Variants in ERVK3-1 observed in about 807,000 individuals in gnomAD.
ERVK3-1 encodes HERV-K(HML6-1).
rs1342215967 is a variant in ERVK3-1, at chr19:58,313,434, C to T, written c.294+972C>T. Among the ~76,000 whole-genome samples, 3 of 152,026 alleles carry T rather than the reference C, an allele frequency of 2.0e-5. No individual in the cohort carries two copies. Among genetic ancestry groups the T allele is most frequent in the Non-Finnish European group, 1.5e-5 (1 of 68,010 alleles). On this transcript the variant is annotated intron_variant, in intron 3 of 3. Transcript: ENST00000413518. This position sits in a 1 kb window ranked among gnomAD's most constrained non-coding sequence, Gnocchi z 4.5. ...CCGAGTAGCTGGGATTACAGGCACCCGCCACCGTGCCAGGCTATTTTTTGT... is the reference window on the plus strand; with the variant it reads ...CCGAGTAGCTGGGATTACAGGCACCTGCCACCGTGCCAGGCTATTTTTTGT...
downstream of ERVK3-1, among the ~76,000 whole-genome samples, chr19:58,316,075 T>TA (rs1410190080): frequency 1.3e-5 from 2 of 151,824 alleles, no homozygotes; most frequent in Admixed American, 1.3e-4. Context: ...CCGAGTGAGG[T>TA]AGATGGTGGG....
intron 2 of ERVK3-1, chr19:58,309,278 C>T (rs972692550): frequency 1.4e-4 from 22 of 152,124 alleles, no homozygotes; most frequent in African/African-American, 5.1e-4. Flanking sequence ...AGTATTATAC[C>T]AGTTATTCAG....
intron 3 of ERVK3-1, 45 bp from the exon 4 acceptor site, chr19:58,314,699 TAATA>T (rs2051579471): frequency 1.6e-5 from 6 of 385,054 alleles, no homozygotes; most frequent in Non-Finnish European, 2.8e-5. Context: ...GTCTCTTTTA[TAATA>T]ATTACAAGAA....
At chr19:58,305,688 A>C (rs537967357) in intron 1 of ERVK3-1, among the ~76,000 whole-genome samples, 2 of 152,136 alleles carry the variant, frequency 1.3e-5, no homozygotes, top group Non-Finnish European at 2.9e-5. Flanking sequence ...GGCAGAAGGA[A>C]TGAGGGTCGT....
rs1005945473 is a variant in ERVK3-1 at position 58,305,421 on chromosome 19, G to C, written c.-157G>C. ...GGCGCGCGGACTATCGGGCGGCTAG[G>C]CTCTCTGAGGAGGCTGCCACAGTGG... On this transcript the variant is annotated 5_prime_UTR_variant, in exon 1 of 4. Coordinates refer to ENST00000413518, the Ensembl canonical transcript of ERVK3-1. 4.6e-5 allele frequency: 7 copies of C among 152,570 alleles called. 1 individual carries two copies. Among genetic ancestry groups the C allele is most frequent in the Middle Eastern group, 6.8e-3 (2 of 292 alleles). 9.5% of individuals were successfully genotyped at this position (152,570 alleles called of 1,614,324 possible). A position where few individuals can be genotyped will look rare whatever the true frequency, so the allele number is the denominator to read the frequency against.
At chr19:58,307,773 C>T (rs1337813029) in intron 2 of ERVK3-1, among the ~76,000 whole-genome samples, 1 of 148,080 alleles carries the variant, frequency 6.8e-6, no homozygotes, top group Non-Finnish European at 1.5e-5. Flanking sequence ...GCCTGGGCCC[C>T]TCAAACAATG....
chr19:58,307,408 C>G (rs572209855), intron 2 of ERVK3-1, among the ~76,000 whole-genome samples: 2 of 152,264 alleles, frequency 1.3e-5, no homozygotes, highest in South Asian at 4.1e-4. Context: ...TTTCTCAAAG[C>G]CTGTCAGGAT....
chr19:58,306,713 T>C (rs577864277), intron 2 of ERVK3-1: 1 of 152,306 alleles, frequency 6.6e-6, no homozygotes, highest in East Asian at 1.9e-4. Flanking sequence ...GTACAAAAAA[T>C]TCTACATGCT....
chr19:58,310,877 A>C lies in ERVK3-1; in HGVS notation c.-3-1289A>C. On this transcript the variant is annotated intron_variant, in intron 2 of 3. Coordinates refer to ENST00000413518, the Ensembl canonical transcript of ERVK3-1. The surrounding 1 kb of genome is among the most constrained non-coding windows in gnomAD (Gnocchi z 4.7). ...GCTAAGTAGCGGGTGTTGTTCCTTG[A>C]CACTTTTCGCTACCGCTAGACCACG... 2.5e-6 allele frequency: 1 copy of C among 406,000 alleles called. No homozygotes were observed. The highest frequency in any genetic ancestry group is 5.0e-6 in the Non-Finnish European group (1 of 198,386). 25.1% of individuals were successfully genotyped at this position (406,000 alleles called of 1,614,324 possible).
intron 3 of ERVK3-1, among the ~76,000 whole-genome samples, chr19:58,314,380 A>T (rs1304520949): frequency 6.6e-6 from 1 of 151,882 alleles, no homozygotes; most frequent in Admixed American, 6.6e-5. Flanking sequence ...TAATCCCAGC[A>T]CTTTGGGAGG....
exon 4 of ERVK3-1, chr19:58,315,513 G>A (rs991877620): frequency 1.3e-5 from 2 of 152,184 alleles, no homozygotes; most frequent in African/African-American, 4.8e-5. Flanking sequence ...GTTGTAGCAT[G>A]TATCAGTTTT....
intron 1 of ERVK3-1, among the ~76,000 whole-genome samples, 161 bp downstream of exon 1, chr19:58,305,606 G>T (rs1380638744): frequency 6.6e-6 from 1 of 152,148 alleles, no homozygotes; most frequent in African/African-American, 2.4e-5. Flanking sequence ...CGGTGCGTGA[G>T]GGCGCGACCT....
intron 1 of ERVK3-1, 145 bp from the exon 2 acceptor site, chr19:58,305,943 A>G (rs1047863446): frequency 1.3e-5 from 2 of 152,150 alleles, no homozygotes; most frequent in African/African-American, 4.8e-5. Context: ...TTTCCTCCCT[A>G]TTCAGTCTAC....
downstream of ERVK3-1, among the ~76,000 whole-genome samples, chr19:58,316,216 C>T (rs1348590820): frequency 6.6e-6 from 1 of 152,182 alleles, no homozygotes; most frequent in Non-Finnish European, 1.5e-5. Flanking sequence ...TGCTCTACAC[C>T]ACTACCTCCT....
At position 58,312,475 on chromosome 19, in the gene ERVK3-1, T is replaced by G; in HGVS notation, c.294+13T>G. 2.5e-6 allele frequency: 1 copy of G among 399,996 alleles called. No homozygotes were observed. The highest frequency in any genetic ancestry group is 4.4e-6 in the Non-Finnish European group (1 of 226,058). The allele number at this position is 399,996 out of a possible 1,614,324, so 24.8% of individuals were successfully genotyped here. On this transcript the variant is annotated intron_variant, in intron 3 of 3. Transcript: ENST00000413518. The surrounding 1 kb of genome is among the most constrained non-coding windows in gnomAD (Gnocchi z 4.7). ...AGTGTCCTGTGCGGTATGTTTCCCCTGTGTAGAGGCAAAAACATATTGGGC... is the reference window on the plus strand; with the variant it reads ...AGTGTCCTGTGCGGTATGTTTCCCCGGTGTAGAGGCAAAAACATATTGGGC...
exon 4 of ERVK3-1, chr19:58,315,197 C>G: frequency 6.2e-6 from 1 of 161,204 alleles, no homozygotes; most frequent in African/African-American, 2.4e-5. Context: ...CCCCTTCTTT[C>G]AAACAGATCC....
exon 4 of ERVK3-1, chr19:58,315,661 G>GTGTT (rs1405343153): frequency 1.3e-5 from 2 of 152,180 alleles, no homozygotes; most frequent in Non-Finnish European, 2.9e-5. Context: ...TCATGTACAG[G>GTGTT]TGTTTGTGTG....
intron 2 of ERVK3-1, chr19:58,309,150 G>A (rs1448155624): frequency 6.6e-6 from 1 of 152,160 alleles, no homozygotes; most frequent in African/African-American, 2.4e-5. Context: ...ATGCTCAACA[G>A]TCCTACGTTA....
At chr19:58,307,295 T>C (rs566617844) in intron 2 of ERVK3-1, among the ~76,000 whole-genome samples, 65 of 152,360 alleles carry the variant, frequency 4.3e-4, no homozygotes, top group Non-Finnish European at 8.1e-4. Context: ...TTCCTCATAC[T>C]GCTCCTGCGA....
Sources: allele counts gnomAD v4.1 joint callset (sites outside exome capture counted in the v4.1 genomes callset), GRCh38; gene constraint gnomAD v4.1.1; non-coding constraint Gnocchi (gnomAD v3.1); transcripts MANE v1.5; gene names NCBI Gene and HGNC (gene_info 2026-07-23, HGNC 2026-07-21).